The following SLC25A26 variants were observed in gnomAD, a reference collection of about 807,000 sequenced individuals.
SLC25A26 encodes the protein mitochondrial S-adenosylmethionine carrier protein.
A neutral mutation model predicts 37.8 loss-of-function variants in SLC25A26; 36 were observed. That is an observed-to-expected ratio of 0.95 (90% CI 0.73 to 1.26). The LOEUF (loss-of-function observed/expected upper bound fraction) is 1.26. Among genes scored for constraint, SLC25A26 ranks in the 50% most tolerant of loss-of-function variants. SLC25A26 has a pLI of 0.00. For synonymous variants in SLC25A26, 129 were observed against 122.5 expected (o/e 1.05, Z -0.35); for missense variants, 390 against 331.1 (o/e 1.18, Z -1.38).
chr3:66,232,862 C>T (rs1277716689), intron 1 of SLC25A26, among the ~76,000 whole-genome samples: 2 of 152,144 alleles, frequency 1.3e-5, no homozygotes, highest in African/African-American at 2.4e-5. Flanking sequence ...ATGATTAGTA[C>T]AGAGAGGCAG....
intron 5 of SLC25A26, among the ~76,000 whole-genome samples, chr3:66,324,854 A>C (rs561380359): frequency 6.6e-6 from 1 of 152,156 alleles, no homozygotes; most frequent in South Asian, 2.1e-4. Flanking sequence ...GAAGGAAAAA[A>C]TCTTTTTTCT....
chr3:66,200,842 G>A (rs36136850), intron 1 of SLC25A26, among the ~76,000 whole-genome samples: 78,378 of 151,936 alleles, frequency 0.52, 20,487 homozygotes, highest in Admixed American at 0.54. Context: ...GTTTTCATTG[G>A]TAACTGCTTC....
At chr3:66,170,826 C>G in intron 1 of SLC25A26, among the ~76,000 whole-genome samples, 1 of 83,378 alleles carries the variant, frequency 1.2e-5, no homozygotes, top group East Asian at 4.5e-4. Flanking sequence ...TTTTTTGAGA[C>G]GGAGTCTCGC....
At chr3:66,367,266 A>G (rs1237880074) in intron 7 of SLC25A26, among the ~76,000 whole-genome samples, 2 of 152,208 alleles carry the variant, frequency 1.3e-5, no homozygotes, top group African/African-American at 4.8e-5. Context: ...CATTTTACAG[A>G]TCAGAAAACT....
chr3:66,203,146 C>T (rs1257652422), intron 1 of SLC25A26, among the ~76,000 whole-genome samples: 26 of 152,074 alleles, frequency 1.7e-4, no homozygotes, highest in South Asian at 2.1e-4. Context: ...TTTGGGAGGC[C>T]GAGGCGGGAG....
At chr3:66,137,467 A>T (rs2069964547) in intron 1 of SLC25A26, among the ~76,000 whole-genome samples, 1 of 152,140 alleles carries the variant, frequency 6.6e-6, no homozygotes, top group South Asian at 2.1e-4. Context: ...ACCACAGGGG[A>T]TCCACCATCC....
At chr3:66,352,978 A>G (rs982400575) in intron 6 of SLC25A26, among the ~76,000 whole-genome samples, 1 of 152,190 alleles carries the variant, frequency 6.6e-6, no homozygotes, top group Non-Finnish European at 1.5e-5. Flanking sequence ...CACTTACATC[A>G]TTGGAATAAT....
At chr3:66,323,234 G>A (rs1181758274) in intron 5 of SLC25A26, among the ~76,000 whole-genome samples, 5 of 152,186 alleles carry the variant, frequency 3.3e-5, no homozygotes, top group South Asian at 2.1e-4. Flanking sequence ...TGCCACATTG[G>A]TATTGAGTGT....
At chr3:66,215,939 G>T (rs1017410608) in intron 1 of SLC25A26, among the ~76,000 whole-genome samples, 178 of 152,324 alleles carry the variant, frequency 1.2e-3, no homozygotes, top group Non-Finnish European at 2.3e-3. Flanking sequence ...CAAGGTATTG[G>T]CAGATTCGGT....
intron 6 of SLC25A26, 39 bp downstream of exon 6, chr3:66,346,447 T>G: frequency 1.8e-6 from 2 of 1,116,086 alleles, no homozygotes; most frequent in Non-Finnish European, 2.5e-6. Context: ...TGTCTCTAAT[T>G]ATAACATACC....
intron 9 of SLC25A26, among the ~76,000 whole-genome samples, chr3:66,377,320 C>G (rs1383229260): frequency 6.6e-6 from 1 of 151,972 alleles, no homozygotes; most frequent in South Asian, 2.1e-4. Context: ...TTTGGGGTCT[C>G]GAAGGACAAA....
chr3:66,321,643 A>G (rs2075696185), intron 5 of SLC25A26, among the ~76,000 whole-genome samples: 1 of 152,132 alleles, frequency 6.6e-6, no homozygotes, highest in Non-Finnish European at 1.5e-5. Context: ...GCAGGTTGAT[A>G]CTTGATTCAT....
At chr3:66,135,745 G>A (rs1322770523) in intron 1 of SLC25A26, among the ~76,000 whole-genome samples, 1 of 152,016 alleles carries the variant, frequency 6.6e-6, no homozygotes, top group African/African-American at 2.4e-5. Flanking sequence ...CTCCAGCCTG[G>A]GTAACAGAGC....
At chr3:66,133,909 C>G (rs749422292) in exon 1 of SLC25A26, 1 of 152,080 alleles carries the variant, frequency 6.6e-6, no homozygotes, top group Non-Finnish European at 1.5e-5. Context: ...TACCCTCGTT[C>G]TATAAGATGG....
chr3:66,196,915 AG>A (rs2071051950), intron 1 of SLC25A26, among the ~76,000 whole-genome samples: 1 of 152,184 alleles, frequency 6.6e-6, no homozygotes, highest in Non-Finnish European at 1.5e-5. Context: ...AGTTTTGAGA[AG>A]GCAAATACAA....
At chr3:66,286,116 T>G (rs2074504939) in intron 5 of SLC25A26, among the ~76,000 whole-genome samples, 2 of 152,222 alleles carry the variant, frequency 1.3e-5, no homozygotes, top group South Asian at 4.1e-4. Context: ...TCCTTTGCCC[T>G]TAGGTGATTT....
intron 5 of SLC25A26, among the ~76,000 whole-genome samples, chr3:66,296,111 C>G (rs535028933): frequency 2.0e-5 from 3 of 151,788 alleles, no homozygotes; most frequent in African/African-American, 7.3e-5. Context: ...AGCAAGACTC[C>G]GTCTTGGAAA....
chr3:66,300,557 G>A (rs1191049787), intron 5 of SLC25A26, among the ~76,000 whole-genome samples: 2 of 151,980 alleles, frequency 1.3e-5, no homozygotes, highest in African/African-American at 2.4e-5. Context: ...TGGTGGTGTC[G>A]CTGATGCTCG....
intron 5 of SLC25A26, among the ~76,000 whole-genome samples, chr3:66,271,307 C>A (rs1215430625): frequency 6.6e-6 from 1 of 152,088 alleles, no homozygotes; most frequent in African/African-American, 2.4e-5. Context: ...AACAAGAAAT[C>A]TGAAGATGAT....
Sources: gnomAD v4.1 joint callset for allele counts (sites outside exome capture counted in the v4.1 genomes callset) on GRCh38, gnomAD v4.1.1 for gene constraint, MANE v1.5 for transcripts, NCBI Gene and HGNC (gene_info 2026-07-23, HGNC 2026-07-21) for gene names.